Variants in ZNF791 observed in about 807,000 individuals in gnomAD.
ZNF791 encodes the protein zinc finger protein 791.
In ZNF791, 4 loss-of-function variants were observed where a neutral mutation model predicts 11.5. That is an observed-to-expected ratio of 0.35 (90% CI 0.17 to 0.80). ZNF791 has a LOEUF of 0.80. Among genes scored for constraint, ZNF791 ranks in the 30% least tolerant of loss-of-function variants. The pLI is 0.53. For missense variants in ZNF791, 559 were observed against 699.4 expected, an observed-to-expected ratio of 0.80 and a Z score of 2.26; for synonymous variants, 212 against 228.1, an observed-to-expected ratio of 0.93 and a Z score of 0.64.
chr19:12,618,256 T>G (rs1291532954), intron 1 of ZNF791, among the ~76,000 whole-genome samples: 1 of 152,092 alleles, frequency 6.6e-6, no homozygotes, highest in African/African-American at 2.4e-5. Flanking sequence ...ATTTTTAAAT[T>G]TTTGCCTCCT....
intron 1 of ZNF791, 85 bp downstream of exon 1, chr19:12,611,167 G>A (rs775150819): frequency 2.6e-6 from 4 of 1,558,888 alleles, no homozygotes; most frequent in Non-Finnish European, 3.5e-6. Context: ...CCGCAGTGTG[G>A]GGCTGGGCTG....
In ZNF791 at chr19:12,628,584, G is replaced by C; in HGVS notation, c.1055G>C (p.Gly352Ala). The C allele has an allele frequency of 1.3e-6, 2 of 1,599,754 alleles. No individual in the cohort carries two copies. The highest frequency in any genetic ancestry group is 2.3e-5 in the South Asian group (2 of 88,596). ...AFRVHVRVHT[G>A]EKPYKCKECG... ...CGAGTACACGTGAGAGTGCATACTG[G>C]AGAGAAACCCTATAAGTGTAAAGAA... The change falls in exon 4 of 4, where the codon GGA (glycine) becomes GCA (alanine). Residue 352 changes from glycine (G) to alanine (A), a missense_variant. By Grantham distance (60) the Gly-to-Ala change is moderately conservative (BLOSUM62 0). Transcript: ENST00000343325.
chr19:12,626,535 C>T (rs1296034089), intron 3 of ZNF791, among the ~76,000 whole-genome samples: 1 of 152,160 alleles, frequency 6.6e-6, no homozygotes, highest in African/African-American at 2.4e-5. Flanking sequence ...CCACCCACCT[C>T]GGCCTCCCAA....
rs1420226396 is a variant in ZNF791, at chr19:12,628,088, C to T, written c.559C>T (p.Pro187Ser). 1 of 1,614,024 alleles carries T rather than the reference C, an allele frequency of 6.2e-7. No individual in the cohort carries two copies. The highest frequency in any genetic ancestry group is 8.5e-7 in the Non-Finnish European group (1 of 1,179,998). Residue 187 changes from proline (P) to serine (S), a missense_variant, in exon 4 of 4, where the codon CCC (proline) becomes TCC (serine). Pro to Ser is a moderately conservative substitution (Grantham distance 74). Transcript: ENST00000343325. The part of the protein sequence containing the change: ...RHERTHIGEK[P>S]YECKQCGKAL... ...TGAGCGGACTCACATTGGAGAAAAA[C>T]CCTATGAATGTAAGCAATGTGGAAA...
At chr19:12,622,194 TAA>T (rs1251925576) in intron 1 of ZNF791, among the ~76,000 whole-genome samples, 1 of 135,832 alleles carries the variant, frequency 7.4e-6, no homozygotes, top group Non-Finnish European at 1.6e-5. Context: ...TAATCTCAAG[TAA>T]TCAGGGACAC....
At chr19:12,611,932 C>A (rs1424124749) in intron 1 of ZNF791, among the ~76,000 whole-genome samples, 46 of 152,064 alleles carry the variant, frequency 3.0e-4, no homozygotes. Flanking sequence ...TATATGTTAT[C>A]AGAAGAACTT....
chr19:12,613,309 C>A (rs997750600), intron 1 of ZNF791, among the ~76,000 whole-genome samples: 1 of 150,850 alleles, frequency 6.6e-6, no homozygotes, highest in African/African-American at 2.4e-5. Context: ...GGGCCCGGCA[C>A]GGTGGCTCAT....
At chr19:12,616,722 G>T (rs764177531) in intron 1 of ZNF791, among the ~76,000 whole-genome samples, 8 of 152,112 alleles carry the variant, frequency 5.3e-5, no homozygotes, top group Non-Finnish European at 1.0e-4. Context: ...GAATTCTTTG[G>T]ATATTTTAGA....
Position 12,624,936 on chromosome 19 carries a change from A to T in ZNF791, c.191+226A>T, listed in dbSNP as rs184291785. ...TGTGGTGGTGGGCGCCTGTAATCCC[A>T]GCTACTCTGGAGGCTGAGGCAGAGA... is the stretch of plus-strand genomic sequence containing the variant. On this transcript the variant is annotated intron_variant, in intron 3 of 3. Transcript: ENST00000343325. 6.6e-5 allele frequency among the ~76,000 whole-genome samples: 10 copies of T among 151,862 alleles called. 1 individual carries two copies. The East Asian group carries it at 1.8e-3, about 27-fold the overall frequency.
chr19:12,620,754 C>CTTTTTTTTTTTTTT lies in ZNF791; in HGVS notation c.4-2935_4-2922dup, dbSNP rs1051381342. Reference sequence around the variant, plus strand: ...AAACTGGAGAAAGGGGATTTATGTTCTTTTTTTTTTTTTTTTTTTTTTTTG... The same window carrying CTTTTTTTTTTTTTT: ...AAACTGGAGAAAGGGGATTTATGTTCTTTTTTTTTTTTTTTTTTTTTTTTTTTTTTTTTTTTTTG... On this transcript the variant is annotated intron_variant, in intron 1 of 3. Transcript: ENST00000343325. Among the ~76,000 whole-genome samples the CTTTTTTTTTTTTTT allele has an allele frequency of 5.0e-4, 42 of 83,452 alleles. 3 individuals carry two copies. Among genetic ancestry groups the CTTTTTTTTTTTTTT allele is most frequent in the African/African-American group, 2.0e-3 (38 of 18,668 alleles). 54.7% of individuals were successfully genotyped at this position (83,452 alleles called of 152,430 possible). A position where few individuals can be genotyped will look rare whatever the true frequency, so the allele number is the denominator to read the frequency against.
intron 1 of ZNF791, among the ~76,000 whole-genome samples, chr19:12,615,340 A>G (rs1275169311): frequency 2.0e-5 from 3 of 151,780 alleles, no homozygotes; most frequent in Non-Finnish European, 2.9e-5. Flanking sequence ...AAGGTTTTAT[A>G]TTTTCCAGAA....
chr19:12,624,303 C>T (rs1477985574), intron 2 of ZNF791, among the ~76,000 whole-genome samples: 1 of 151,666 alleles, frequency 6.6e-6, no homozygotes, highest in Non-Finnish European at 1.5e-5. Context: ...CAGGTGCCCA[C>T]CACCATGCCC....
chr19:12,628,602 G>A lies in ZNF791; in HGVS notation c.1073G>A (p.Cys358Tyr). The A allele has an allele frequency of 6.2e-7, 1 of 1,603,146 alleles. No homozygotes were observed. Among genetic ancestry groups the A allele is most frequent in the South Asian group, 1.1e-5 (1 of 89,104 alleles). The change falls in exon 4 of 4, where the codon TGT becomes TAT. Residue 358 changes from cysteine (C) to tyrosine (Y), a missense_variant. Transcript: ENST00000343325. ...CATACTGGAGAGAAACCCTATAAGT[G>A]TAAAGAATGTGGGAAAGCCTTTAGT... ...RVHTGEKPYK[C>Y]KECGKAFSRI...
chr19:12,613,442 G>T (rs8101502), intron 1 of ZNF791, among the ~76,000 whole-genome samples: 2 of 152,002 alleles, frequency 1.3e-5, no homozygotes, highest in Non-Finnish European at 2.9e-5. Context: ...TTAGCTGGGC[G>T]TGGAGGCGGG....
intron 1 of ZNF791, among the ~76,000 whole-genome samples, chr19:12,617,926 T>TC (rs1198266649): frequency 1.4e-5 from 2 of 146,662 alleles, no homozygotes; most frequent in Non-Finnish European, 1.5e-5. Context: ...TTTTTTTTTT[T>TC]TTTTTTTTGA....
intron 1 of ZNF791, among the ~76,000 whole-genome samples, chr19:12,615,049 C>G (rs1411835028): frequency 1.2e-5 from 1 of 86,392 alleles, no homozygotes; most frequent in African/African-American, 4.4e-5. Context: ...AGACAGGGTC[C>G]CACTCCGTCG....
At chr19:12,621,185 A>G (rs988308946) in intron 1 of ZNF791, among the ~76,000 whole-genome samples, 2 of 152,180 alleles carry the variant, frequency 1.3e-5, no homozygotes, top group African/African-American at 4.8e-5. Flanking sequence ...CTATTCTTCA[A>G]GGTCAGCAAA....
intron 1 of ZNF791, among the ~76,000 whole-genome samples, chr19:12,621,814 GAGGGGCGCC>G (rs2023353442): frequency 1.4e-5 from 2 of 138,754 alleles, no homozygotes; most frequent in Admixed American, 7.2e-5. Context: ...TCCGGGAGGT[GAGGGGCGCC>G]TCTGCCCGGC....
intron 1 of ZNF791, among the ~76,000 whole-genome samples, chr19:12,621,814 G>A (rs1273073452): frequency 2.2e-5 from 3 of 138,824 alleles, no homozygotes; most frequent in African/African-American, 5.4e-5. Context: ...TCCGGGAGGT[G>A]AGGGGCGCCT....
Sources: gnomAD v4.1 joint callset for allele counts (sites outside exome capture counted in the v4.1 genomes callset) on GRCh38, gnomAD v4.1.1 for gene constraint, MANE v1.5 for transcripts, NCBI Gene and HGNC (gene_info 2026-07-23, HGNC 2026-07-21) for gene names.